ATF6: variants seen among roughly 807,000 people sequenced by gnomAD.
ATF6 encodes cyclic AMP-dependent transcription factor ATF-6 alpha.
ATF6 carries 53 observed loss-of-function variants against 83.6 expected under a neutral mutation model. The ratio of observed to expected loss-of-function variants is 0.63; its 90% CI spans 0.51 to 0.80. The LOEUF is 0.80. Among genes scored for constraint, ATF6 ranks in the 30% least tolerant of loss-of-function variants. ATF6 has a pLI of 0.00. For synonymous variants in ATF6, 288 were observed against 285.8 expected, an observed-to-expected ratio of 1.01 and a Z score of -0.08; for missense variants, 744 against 797.9, an observed-to-expected ratio of 0.93 and a Z score of 0.81.
At chr1:161,805,743 AAAT>A (rs1213475633) in intron 7 of ATF6, among the ~76,000 whole-genome samples, 2 of 152,166 alleles carry the variant, frequency 1.3e-5, no homozygotes, top group Non-Finnish European at 2.9e-5. Context: ...ATGATCAAAA[AAAT>A]ATTTTTTATC....
intron 6 of ATF6, among the ~76,000 whole-genome samples, chr1:161,793,583 GGC>G (rs1240341694): frequency 2.0e-5 from 3 of 152,168 alleles, no homozygotes; most frequent in African/African-American, 7.2e-5. Context: ...CCTTCCCAAA[GGC>G]TAAGAATTTA....
chr1:161,957,748 T>C (rs1463315564), intron 15 of ATF6, among the ~76,000 whole-genome samples: 4 of 152,188 alleles, frequency 2.6e-5, no homozygotes, highest in Non-Finnish European at 4.4e-5. Context: ...TTTAATTCCA[T>C]GTTGGAATTG....
chr1:161,791,445 C>A lies in ATF6; in HGVS notation c.392C>A (p.Pro131His). The A allele has an allele frequency of 6.2e-7, 1 of 1,611,824 alleles. No individual in the cohort carries two copies. Among genetic ancestry groups the A allele is most frequent in the East Asian group, 2.2e-5 (1 of 44,772 alleles). The change falls in exon 5 of 16, where the codon CCC (proline) becomes CAC (histidine). Residue 131 changes from proline (P) to histidine (H), a missense_variant. By Grantham distance (77) the Pro-to-His change is moderately conservative. Coordinates refer to ENST00000367942, the MANE Select transcript of ATF6 (RefSeq NM_007348.4). ...TTGTCTTCTAGTTCTCAGATGTCTC[C>A]CCTTTCCTTATATGGTGAAAACTCT... Reference protein sequence around the residue: ...LDLSSSSQMSPLSLYGENSNS... With the variant: ...LDLSSSSQMSHLSLYGENSNS...
At chr1:161,890,650 A>G (rs1180897578) in intron 14 of ATF6, among the ~76,000 whole-genome samples, 4 of 152,214 alleles carry the variant, frequency 2.6e-5, no homozygotes, top group Non-Finnish European at 4.4e-5. Context: ...CTCTGCTAAC[A>G]TGTGGTCCTC....
At chr1:161,808,168 C>T (rs1424007782) in intron 7 of ATF6, among the ~76,000 whole-genome samples, 1 of 152,088 alleles carries the variant, frequency 6.6e-6, no homozygotes, top group African/African-American at 2.4e-5. Context: ...GCATGAGCCA[C>T]TGCGCCCAGC....
intron 14 of ATF6, among the ~76,000 whole-genome samples, chr1:161,907,361 G>A (rs563264157): frequency 1.3e-5 from 2 of 152,220 alleles, no homozygotes; most frequent in East Asian, 3.9e-4. Flanking sequence ...TTTTATTTTT[G>A]ATCTGCTTTT....
At chr1:161,949,221 C>T (rs116079127) in intron 15 of ATF6, among the ~76,000 whole-genome samples, 2,238 of 152,274 alleles carry the variant, frequency 0.015, 22 homozygotes, top group Non-Finnish European at 0.022. Context: ...CAACCAAGGC[C>T]TCATTCATTC....
chr1:161,863,150 A>G (rs757409489), intron 13 of ATF6, 48 bp from the exon 14 acceptor site: 1 of 1,173,092 alleles, frequency 8.5e-7, no homozygotes, highest in South Asian at 1.5e-5. Flanking sequence ...TTTTGGGAAA[A>G]CAGGAAACTT....
At chr1:161,910,911 A>T (rs1178031529) in intron 14 of ATF6, among the ~76,000 whole-genome samples, 1 of 152,216 alleles carries the variant, frequency 6.6e-6, no homozygotes, top group Non-Finnish European at 1.5e-5. Context: ...ATTTTTAAAA[A>T]CATGTTCTCA....
At chr1:161,832,532 C>G (rs1178238218) in intron 9 of ATF6, among the ~76,000 whole-genome samples, 1 of 152,180 alleles carries the variant, frequency 6.6e-6, no homozygotes, top group Non-Finnish European at 1.5e-5. Flanking sequence ...CAGACGGCAC[C>G]TGGAAAATCG....
At chr1:161,827,785 A>C (rs1040663069) in intron 9 of ATF6, among the ~76,000 whole-genome samples, 1 of 152,226 alleles carries the variant, frequency 6.6e-6, no homozygotes, top group Non-Finnish European at 1.5e-5. Flanking sequence ...TATGCAGCAA[A>C]GCTGACTAGT....
intron 9 of ATF6, among the ~76,000 whole-genome samples, chr1:161,835,906 TA>T (rs1362347040): frequency 2.0e-5 from 3 of 152,182 alleles, no homozygotes; most frequent in Admixed American, 6.5e-5. Context: ...AGTTAGGTCT[TA>T]AAAAAATTAA....
At chr1:161,852,793 T>A (rs1267560653) in intron 11 of ATF6, among the ~76,000 whole-genome samples, 1 of 151,950 alleles carries the variant, frequency 6.6e-6, no homozygotes, top group Non-Finnish European at 1.5e-5. Context: ...TTTAAAAAAA[T>A]TTTCTGTAGA....
intron 14 of ATF6, among the ~76,000 whole-genome samples, chr1:161,911,968 A>G (rs1362324069): frequency 6.6e-6 from 1 of 152,216 alleles, no homozygotes; most frequent in African/African-American, 2.4e-5. Flanking sequence ...ACAGCTATTT[A>G]GTGGCAGAAT....
At chr1:161,884,211 G>A (rs866189141) in intron 14 of ATF6, among the ~76,000 whole-genome samples, 2 of 151,968 alleles carry the variant, frequency 1.3e-5, no homozygotes, top group East Asian at 3.8e-4. Flanking sequence ...GCAGTTTTGT[G>A]CAGTTGACCT....
At chr1:161,804,238 T>C (rs187540787) in intron 7 of ATF6, among the ~76,000 whole-genome samples, 109 of 152,162 alleles carry the variant, frequency 7.2e-4, no homozygotes, top group African/African-American at 2.0e-3. Context: ...TTATGTAATA[T>C]GTTAGGACAT....
intron 7 of ATF6, among the ~76,000 whole-genome samples, chr1:161,809,508 G>A (rs1685397281): frequency 1.3e-5 from 2 of 152,210 alleles, no homozygotes; most frequent in Non-Finnish European, 2.9e-5. Context: ...AAACATAAGT[G>A]TGCATGTGTC....
At chr1:161,926,979 A>G (rs1688326931) in intron 15 of ATF6, among the ~76,000 whole-genome samples, 1 of 152,108 alleles carries the variant, frequency 6.6e-6, no homozygotes, top group Non-Finnish European at 1.5e-5. Context: ...TTTTTTTAGT[A>G]TAATGTGATT....
intron 15 of ATF6, among the ~76,000 whole-genome samples, chr1:161,920,531 T>C (rs1343970397): frequency 1.3e-5 from 2 of 152,024 alleles, no homozygotes; most frequent in Non-Finnish European, 2.9e-5. Flanking sequence ...CCTGACCTCA[T>C]GATCTGCCCG....
Sources: allele counts gnomAD v4.1 joint callset (sites outside exome capture counted in the v4.1 genomes callset), GRCh38; gene constraint gnomAD v4.1.1; transcripts MANE v1.5; gene names NCBI Gene and HGNC (gene_info 2026-07-23, HGNC 2026-07-21).